Variants in ZNRF1 observed in about 807,000 individuals in gnomAD.
ZNRF1 encodes E3 ubiquitin-protein ligase ZNRF1.
A neutral mutation model predicts 18.4 loss-of-function variants in ZNRF1; 3 were observed. That is an observed-to-expected ratio of 0.16 (90% confidence interval 0.07 to 0.42). The LOEUF (loss-of-function observed/expected upper bound fraction) is 0.42, where lower values mean the gene tolerates loss of function less well. Among genes scored for constraint, ZNRF1 ranks in the 10% least tolerant of loss-of-function variants. The pLI is 0.99. For synonymous variants in ZNRF1, 157 were observed against 144.2 expected, an observed-to-expected ratio of 1.09 and a Z score of -0.64; for missense variants, 310 against 329.8, an observed-to-expected ratio of 0.94 and a Z score of 0.47.
In ZNRF1 at chr16:74,999,248, C is replaced by T. The variant is rs1183030392; in HGVS notation, c.-424C>T. The T allele has an allele frequency of 6.8e-6, 1 of 146,030 alleles. No homozygotes were observed. The highest frequency in any genetic ancestry group is 1.5e-5 in the Non-Finnish European group (1 of 66,012). 9.0% of individuals were successfully genotyped at this position (146,030 alleles called of 1,614,324 possible). A position where few individuals can be genotyped will look rare whatever the true frequency, so the allele number is the denominator to read the frequency against. ...CCTGAGGCGGGGGACGCGCCCGGCGCCCCCGGCCCTCCTCCGCCTCCTCCC... is the reference window on the plus strand; with the variant it reads ...CCTGAGGCGGGGGACGCGCCCGGCGTCCCCGGCCCTCCTCCGCCTCCTCCC... On this transcript the variant is annotated 5_prime_UTR_variant, in exon 1 of 5. Coordinates refer to ENST00000335325, the MANE Select transcript of ZNRF1 (RefSeq NM_032268.5).
chr16:75,058,404 T>C (rs562259856), intron 1 of ZNRF1, among the ~76,000 whole-genome samples: 1 of 152,312 alleles, frequency 6.6e-6, no homozygotes, highest in Non-Finnish European at 1.5e-5. Flanking sequence ...ACTCTAAGAA[T>C]AACACAATAA....
intron 1 of ZNRF1, among the ~76,000 whole-genome samples, chr16:75,045,096 C>CTT (rs924536013): frequency 6.6e-6 from 1 of 152,162 alleles, no homozygotes; most frequent in African/African-American, 2.4e-5. Context: ...GTGGGTGGTG[C>CTT]TTGTCCGGCT....
chr16:75,009,041 T>C (rs909306941), intron 1 of ZNRF1, among the ~76,000 whole-genome samples: 1 of 152,218 alleles, frequency 6.6e-6, no homozygotes, highest in Non-Finnish European at 1.5e-5. Context: ...GCATCTTTAA[T>C]TTCAGTATCT....
In ZNRF1 at chr16:75,029,877, C is replaced by T. The variant is rs902649011; in HGVS notation, c.424+29782C>T. On this transcript the variant is annotated intron_variant, in intron 1 of 4. Coordinates refer to ENST00000335325, the MANE Select transcript of ZNRF1 (RefSeq NM_032268.5). ...TTGTGAAAACCCATTTCTACTAAAACTACAAAAATTAGCCAGGTGAAGAAA... is the reference window on the plus strand; with the variant it reads ...TTGTGAAAACCCATTTCTACTAAAATTACAAAAATTAGCCAGGTGAAGAAA... 2.0e-5 allele frequency among the ~76,000 whole-genome samples: 3 copies of T among 151,748 alleles called. No individual in the cohort carries two copies. The South Asian group carries it at 6.2e-4, about 32-fold the overall frequency.
At chr16:75,090,409 G>C (rs1455414362) in intron 1 of ZNRF1, among the ~76,000 whole-genome samples, 1 of 152,058 alleles carries the variant, frequency 6.6e-6, no homozygotes, top group Non-Finnish European at 1.5e-5. Context: ...TGGAGAACGG[G>C]GTCTCACTGT....
intron 1 of ZNRF1, among the ~76,000 whole-genome samples, chr16:75,036,383 A>G (rs890152449): frequency 2.0e-5 from 3 of 152,132 alleles, no homozygotes; most frequent in Non-Finnish European, 2.9e-5. Flanking sequence ...TTCCTGTCTC[A>G]GCCTCCCAAA....
chr16:75,016,067 C>G (rs1220247536), intron 1 of ZNRF1, among the ~76,000 whole-genome samples: 1 of 150,628 alleles, frequency 6.6e-6, no homozygotes, highest in East Asian at 2.0e-4. Flanking sequence ...ACTACAGGCG[C>G]CTGCCACCAC....
rs199713639 is a variant in ZNRF1 at position 75,093,579 on chromosome 16, G to A, written c.432G>A (p.Lys144=). ...CATTCTCCTCTCTTTCAGGTTTCAA[G>A]TGCCCCATTTGCTCCAAGTCTGTGG... The part of the protein sequence containing the change: ...PRWFSSHSGF[K]CPICSKSVAS... Residue 144 remains lysine (K), a synonymous_variant, in exon 2 of 5, where the codon AAG becomes AAA. Transcript: ENST00000335325. 20 of 1,613,688 alleles carry A rather than the reference G, an allele frequency of 1.2e-5. No individual in the cohort carries two copies. Among genetic ancestry groups the A allele is most frequent in the South Asian group, 1.2e-4 (11 of 91,080 alleles).
At chr16:75,030,298 A>G (rs1339145792) in intron 1 of ZNRF1, among the ~76,000 whole-genome samples, 1 of 152,192 alleles carries the variant, frequency 6.6e-6, no homozygotes. Context: ...AATAGATGCT[A>G]CTGGGACAAC....
chr16:75,033,544 A>AT (rs1340085178), intron 1 of ZNRF1, among the ~76,000 whole-genome samples: 1 of 148,562 alleles, frequency 6.7e-6, no homozygotes, highest in East Asian at 2.0e-4. Context: ...AGTTCAAGTG[A>AT]TTCTCCCACC....
At chr16:75,036,196 G>C (rs949096021) in intron 1 of ZNRF1, among the ~76,000 whole-genome samples, 1 of 152,094 alleles carries the variant, frequency 6.6e-6, no homozygotes, top group Non-Finnish European at 1.5e-5. Flanking sequence ...TCAGCCTCCT[G>C]GGTAGCTGGG....
intron 1 of ZNRF1, among the ~76,000 whole-genome samples, chr16:75,060,867 A>C (rs1433490426): frequency 6.6e-6 from 1 of 152,174 alleles, no homozygotes; most frequent in Non-Finnish European, 1.5e-5. Context: ...CTATGAGGGT[A>C]CTGGAGTTTT....
At position 75,094,478 on chromosome 16, in the gene ZNRF1, A is replaced by G. The variant is rs1170490728; in HGVS notation, c.520+811A>G. 4.6e-5 allele frequency among the ~76,000 whole-genome samples: 7 copies of G among 152,172 alleles called. No homozygotes were observed. The South Asian group carries it at 8.3e-4, about 18-fold the overall frequency. ...ATGGGAGTTCAAATCTCCCTCTACC[A>G]CTCTGTGTCTACAATCTTATACAAG... On this transcript the variant is annotated intron_variant, in intron 2 of 4. Transcript: ENST00000335325.
chr16:75,085,924 C>G (rs2036068518), intron 1 of ZNRF1, among the ~76,000 whole-genome samples: 4 of 151,692 alleles, frequency 2.6e-5, no homozygotes, highest in Admixed American at 2.6e-4. Context: ...AGCTGGAGAC[C>G]TGGGAAAACT....
chr16:75,033,288 G>C (rs2035330839), intron 1 of ZNRF1, among the ~76,000 whole-genome samples: 1 of 148,904 alleles, frequency 6.7e-6, no homozygotes, highest in African/African-American at 2.5e-5. Flanking sequence ...AGGAATGCTT[G>C]CAGGAATTTT....
intron 1 of ZNRF1, among the ~76,000 whole-genome samples, chr16:75,092,443 C>G (rs905836506): frequency 6.6e-6 from 1 of 152,154 alleles, no homozygotes; most frequent in Non-Finnish European, 1.5e-5. Context: ...AAGGGAGAAA[C>G]TGTGATGTGC....
chr16:75,059,229 C>CTTTTTTTTTTTTTCTTTTTTTTT (rs2035708911), intron 1 of ZNRF1, among the ~76,000 whole-genome samples: 4 of 92,878 alleles, frequency 4.3e-5, no homozygotes, highest in Non-Finnish European at 8.2e-5. Context: ...TTCTTTCTTT[C>CTTTTTTTTTTTTTCTTTTTTTTT]TTTTTTTTTT....
intron 1 of ZNRF1, among the ~76,000 whole-genome samples, chr16:75,057,005 C>T (rs1260271597): frequency 6.6e-6 from 1 of 152,146 alleles, no homozygotes; most frequent in African/African-American, 2.4e-5. Context: ...TCCTCTAGTT[C>T]AGTTTCTTGG....
At chr16:75,030,024 C>T (rs895923983) in intron 1 of ZNRF1, among the ~76,000 whole-genome samples, 2 of 145,106 alleles carry the variant, frequency 1.4e-5, no homozygotes, top group African/African-American at 5.2e-5. Flanking sequence ...GAGAGCACCA[C>T]TGCATTCCAG....
Sources: allele counts gnomAD v4.1 joint callset (sites outside exome capture counted in the v4.1 genomes callset), GRCh38; gene constraint gnomAD v4.1.1; transcripts MANE v1.5; gene names NCBI Gene and HGNC (gene_info 2026-07-23, HGNC 2026-07-21).